Variants in RIPOR3 observed in about 807,000 individuals in gnomAD.
RIPOR3 encodes family with sequence similarity 65 member C.
RIPOR3 carries 95 observed loss-of-function variants against 114.3 expected under a neutral mutation model. That is an observed-to-expected ratio of 0.83 (90% CI 0.70 to 0.99). RIPOR3 has a LOEUF of 0.99. Ranked by LOEUF, RIPOR3 falls within the 50% of genes least tolerant of loss-of-function variation. The probability of loss-of-function intolerance (pLI) is 0.00; values close to 1 mark genes in which losing one functional copy is unlikely to be tolerated. For synonymous variants in RIPOR3, 575 were observed against 543.8 expected (o/e 1.06, Z -0.80); for missense variants, 1,252 against 1,266.9 (o/e 0.99, Z 0.18).
chr20:50,638,884 A>G (rs986649144), intron 1 of RIPOR3, among the ~76,000 whole-genome samples: 5 of 152,250 alleles, frequency 3.3e-5, no homozygotes, highest in African/African-American at 1.2e-4. Flanking sequence ...GACCCCTGAC[A>G]CTGAGGGAGT....
intron 2 of RIPOR3, among the ~76,000 whole-genome samples, chr20:50,628,667 A>T (rs983351145): frequency 1.3e-5 from 2 of 151,330 alleles, no homozygotes; most frequent in Non-Finnish European, 2.9e-5. Context: ...CTCAATTATC[A>T]CTGGCTTATT....
intron 13 of RIPOR3, among the ~76,000 whole-genome samples, chr20:50,600,739 A>G (rs1242705261): frequency 2.0e-5 from 3 of 152,210 alleles, no homozygotes; most frequent in Non-Finnish European, 4.4e-5. Context: ...CAGCCTGGGC[A>G]ACAGAGTGAG....
Position 50,666,444 on chromosome 20 carries a change from G to A in RIPOR3, c.3+24682C>T, listed in dbSNP as rs539634089. Among the ~76,000 whole-genome samples, 13 of 150,750 alleles carry A rather than the reference G, an allele frequency of 8.6e-5. No homozygotes were observed. In the South Asian group the frequency reaches 2.5e-3, roughly 29 times the overall value. On this transcript the variant is annotated intron_variant, in intron 1 of 21. Coordinates refer to ENST00000327979, the MANE Select transcript of RIPOR3 (RefSeq NM_001290268.2). ...TTCGCCTGTTGCTCAGGCTGGTCTC[G>A]AATTCCTGACCTCAGGTGATCCACC...
intron 1 of RIPOR3, among the ~76,000 whole-genome samples, chr20:50,633,260 T>TA (rs1209202990): frequency 8.6e-5 from 13 of 151,674 alleles, no homozygotes; most frequent in Middle Eastern, 3.4e-3. Context: ...AGACTCTGAC[T>TA]AAAAAAAACA....
intron 14 of RIPOR3, among the ~76,000 whole-genome samples, chr20:50,596,806 T>A (rs1167962269): frequency 6.6e-6 from 1 of 152,094 alleles, no homozygotes; most frequent in Non-Finnish European, 1.5e-5. Flanking sequence ...TGCTCTTCCA[T>A]GTGGTGAGAT....
chr20:50,650,995 C>T (rs538367698), intron 1 of RIPOR3, among the ~76,000 whole-genome samples: 4 of 151,554 alleles, frequency 2.6e-5, no homozygotes, highest in South Asian at 4.2e-4. Flanking sequence ...TTTTTGAGAC[C>T]GAGTCTCGCT....
intron 13 of RIPOR3, among the ~76,000 whole-genome samples, chr20:50,598,501 G>A (rs1197244143): frequency 6.6e-6 from 1 of 152,022 alleles, no homozygotes; most frequent in East Asian, 1.9e-4. Context: ...TCCTAACTGC[G>A]GAGCCAAAGA....
chr20:50,660,935 A>T (rs1327757569), intron 1 of RIPOR3, among the ~76,000 whole-genome samples: 1 of 141,468 alleles, frequency 7.1e-6, no homozygotes, highest in Admixed American at 7.0e-5. Context: ...CTGGCTAATT[A>T]AAAAAAAAAA....
Position 50,615,108 on chromosome 20 carries a change from A to AGTGTGTGTGTGTGTGTGT in RIPOR3, c.348+876_348+893dup, listed in dbSNP as rs56136460. On this transcript the variant is annotated intron_variant, in intron 4 of 21. Coordinates refer to ENST00000327979, the MANE Select transcript of RIPOR3 (RefSeq NM_001290268.2). ...AATTTAATGGGGCATGCTATTTGTG[A>AGTGTGTGTGTGTGTGTGT]GTGTGTGTGTGTGTGTGTGTGTGTG... is the stretch of plus-strand genomic sequence containing the variant. Among the ~76,000 whole-genome samples the AGTGTGTGTGTGTGTGTGT allele has an allele frequency of 3.9e-3, 542 of 138,498 alleles. 9 individuals are homozygous for AGTGTGTGTGTGTGTGTGT. The highest frequency in any genetic ancestry group is 7.6e-3 in the African/African-American group (276 of 36,124). 90.9% of individuals were successfully genotyped at this position (138,498 alleles called of 152,430 possible).
chr20:50,620,061 C>G lies in RIPOR3; in HGVS notation c.194G>C (p.Arg65Pro). The G allele has an allele frequency of 6.2e-7, 1 of 1,614,148 alleles. No homozygotes were observed. The highest frequency in any genetic ancestry group is 8.5e-7 in the Non-Finnish European group (1 of 1,180,006). The change falls in exon 3 of 22, where the codon CGG (arginine) becomes CCG (proline). Residue 65 changes from arginine (R) to proline (P), a missense_variant. Coordinates refer to ENST00000327979, the MANE Select transcript of RIPOR3 (RefSeq NM_001290268.2). Reference sequence around the variant, plus strand: ...CGGGTCTGCACAGACCGACCCCTTCCGCAGCGTGCCGTACATCTTGGAGGA... The same window carrying G: ...CGGGTCTGCACAGACCGACCCCTTCGGCAGCGTGCCGTACATCTTGGAGGA... ...AKSSKMYGTL[R>P]KGSVCADPKP... is the part of the protein sequence containing the mutation.
At chr20:50,669,612 A>G (rs1444710041) in intron 1 of RIPOR3, among the ~76,000 whole-genome samples, 1 of 152,168 alleles carries the variant, frequency 6.6e-6, no homozygotes, top group African/African-American at 2.4e-5. Flanking sequence ...TTGGGAGGAA[A>G]GTGCTCTGAG....
At position 50,594,825 on chromosome 20, in the gene RIPOR3, G is replaced by T. The variant is rs184105250; in HGVS notation, c.2051-111C>A. Reference sequence around the variant, plus strand: ...GAGGGGGTAGGGAGGAGGGGACGGTGTGGCTTGATGCGAGGTCCCTTCCCT... The same window carrying T: ...GAGGGGGTAGGGAGGAGGGGACGGTTTGGCTTGATGCGAGGTCCCTTCCCT... On this transcript the variant is annotated intron_variant, in intron 16 of 21. Transcript: ENST00000327979. 2.7e-3 allele frequency: 3,449 copies of T among 1,261,368 alleles called. 76 individuals carry two copies. In the African/African-American group the frequency reaches 0.043, roughly 16 times the overall value. The allele number at this position is 1,261,368 out of a possible 1,614,324, so 78.1% of individuals were successfully genotyped here. A position where few individuals can be genotyped will look rare whatever the true frequency, so the allele number is the denominator to read the frequency against.
chr20:50,607,153 C>A (rs915481318), intron 11 of RIPOR3, among the ~76,000 whole-genome samples: 1 of 152,190 alleles, frequency 6.6e-6, no homozygotes, highest in East Asian at 1.9e-4. Flanking sequence ...ATTGTCAAGA[C>A]CCTCCACCAG....
intron 12 of RIPOR3, among the ~76,000 whole-genome samples, chr20:50,603,002 T>C (rs2083563261): frequency 6.6e-6 from 1 of 152,226 alleles, no homozygotes; most frequent in Non-Finnish European, 1.5e-5. Context: ...CCTCAGGACC[T>C]TACATAGGTG....
intron 20 of RIPOR3, among the ~76,000 whole-genome samples, chr20:50,589,258 A>G (rs1008904999): frequency 4.6e-5 from 7 of 152,048 alleles, no homozygotes; most frequent in Non-Finnish European, 1.0e-4. Context: ...TGTTTCTGCT[A>G]CATTCTAGGA....
Position 50,597,776 on chromosome 20 carries a change from C to T in RIPOR3, c.1660-66G>A, listed in dbSNP as rs2083350035. 7.6e-6 allele frequency: 12 copies of T among 1,569,412 alleles called. No homozygotes were observed. The Admixed American group carries it at 1.3e-4, about 16-fold the overall frequency. ...CCACCCACCCGACTGGGACACTGGCCAGGGGCCTCACGGCAGACTTGGGCA... is the reference window on the plus strand; with the variant it reads ...CCACCCACCCGACTGGGACACTGGCTAGGGGCCTCACGGCAGACTTGGGCA... On this transcript the variant is annotated intron_variant, in intron 13 of 21. Transcript: ENST00000327979.
intron 1 of RIPOR3, among the ~76,000 whole-genome samples, chr20:50,640,908 CTT>C (rs1331789312): frequency 1.6e-4 from 21 of 134,462 alleles, no homozygotes; most frequent in Admixed American, 2.3e-4. Context: ...ATATGCACTT[CTT>C]TTTTTTTTTT....
At chr20:50,645,027 A>G (rs1245921133) in intron 1 of RIPOR3, among the ~76,000 whole-genome samples, 1 of 151,840 alleles carries the variant, frequency 6.6e-6, no homozygotes, top group East Asian at 1.9e-4. Context: ...TTTTTAGTAG[A>G]GACAGGGTTT....
intron 2 of RIPOR3, among the ~76,000 whole-genome samples, chr20:50,625,378 C>T (rs1032930584): frequency 1.3e-5 from 2 of 152,154 alleles, no homozygotes; most frequent in Admixed American, 6.5e-5. Context: ...GCCTGGCCTG[C>T]TCTTGGTGCT....
Sources: gnomAD v4.1 joint callset for allele counts (sites outside exome capture counted in the v4.1 genomes callset) on GRCh38, gnomAD v4.1.1 for gene constraint, MANE v1.5 for transcripts, NCBI Gene and HGNC (gene_info 2026-07-23, HGNC 2026-07-21) for gene names.